NCKAP1: variants seen among roughly 807,000 people sequenced by gnomAD.
NCKAP1 encodes the protein NCK associated protein 1.
A neutral mutation model predicts 151.2 loss-of-function variants in NCKAP1; 21 were observed. That is an observed-to-expected ratio of 0.14 (90% CI 0.10 to 0.20). The LOEUF (loss-of-function observed/expected upper bound fraction) is 0.20. NCKAP1 is among the 10% of genes least tolerant of loss of function. NCKAP1 has a pLI of 1.00. For synonymous variants in NCKAP1, 484 were observed against 451.8 expected (o/e 1.07, Z -0.90); for missense variants, 933 against 1,352.1 (o/e 0.69, Z 4.86).
intron 2 of NCKAP1, among the ~76,000 whole-genome samples, chr2:183,020,470 AAAAAAAAAAAG>A (rs1698774753): frequency 6.9e-6 from 1 of 144,686 alleles, no homozygotes; most frequent in African/African-American, 2.7e-5. Context: ...GTCCCAAAAA[AAAAAAAAAAAG>A]AAAAAAAAGA....
At chr2:183,035,348 C>T (rs1275090916) in intron 1 of NCKAP1, among the ~76,000 whole-genome samples, 1 of 151,558 alleles carries the variant, frequency 6.6e-6, no homozygotes, top group African/African-American at 2.4e-5. Context: ...AAGCATATTA[C>T]TGACAATAAT....
At chr2:182,976,771 G>A in intron 15 of NCKAP1, 122 bp downstream of exon 15, 1 of 470,698 alleles carries the variant, frequency 2.1e-6, no homozygotes, top group Non-Finnish European at 3.5e-6. Context: ...TTCTTTTATG[G>A]TTAATTATAC....
chr2:182,982,002 C>T (rs552782863), intron 12 of NCKAP1, among the ~76,000 whole-genome samples: 29 of 150,566 alleles, frequency 1.9e-4, no homozygotes, highest in Non-Finnish European at 3.5e-4. Context: ...AGAAGATTAG[C>T]AAGAAATAAA....
At chr2:182,949,056 T>C (rs1333659083) in intron 23 of NCKAP1, among the ~76,000 whole-genome samples, 1 of 152,218 alleles carries the variant, frequency 6.6e-6, no homozygotes, top group Non-Finnish European at 1.5e-5. Flanking sequence ...AGTTTTTAAA[T>C]ACGTGAAGAG....
chr2:182,959,952 G>C (rs1697409766), intron 18 of NCKAP1, among the ~76,000 whole-genome samples: 1 of 152,142 alleles, frequency 6.6e-6, no homozygotes, highest in East Asian at 1.9e-4. Context: ...CAGACAGAGA[G>C]CCAAATCATG....
chr2:183,027,823 G>C (rs1698927496), intron 1 of NCKAP1, among the ~76,000 whole-genome samples: 1 of 152,084 alleles, frequency 6.6e-6, no homozygotes, highest in Non-Finnish European at 1.5e-5. Flanking sequence ...CTTTCATTTT[G>C]AGGATAAGAA....
At chr2:182,976,007 AT>A (rs901755216) in intron 15 of NCKAP1, among the ~76,000 whole-genome samples, 7 of 152,234 alleles carry the variant, frequency 4.6e-5, no homozygotes, top group Admixed American at 3.3e-4. Flanking sequence ...ATCTAAAAAA[AT>A]ATAGGCCAGT....
chr2:182,942,305 T>C lies in NCKAP1; in HGVS notation c.2602-142A>G, dbSNP rs564852747. ...GCTCTATGCTACATATATTTTTTTG[T>C]TGTTTCAATAAAAGCATCTGAAAAT... is the stretch of plus-strand genomic sequence containing the variant. On this transcript the variant is annotated intron_variant, in intron 23 of 30. Transcript: ENST00000361354. 135 of 540,868 alleles carry C rather than the reference T, an allele frequency of 2.5e-4. 1 individual carries two copies. The East Asian group carries it at 3.1e-3, about 13-fold the overall frequency. The allele number at this position is 540,868 out of a possible 1,614,324, so 33.5% of individuals were successfully genotyped here. A position where few individuals can be genotyped will look rare whatever the true frequency, so the allele number is the denominator to read the frequency against.
chr2:182,965,261 T>C (rs1379171070), intron 16 of NCKAP1, among the ~76,000 whole-genome samples: 1 of 80,980 alleles, frequency 1.2e-5, no homozygotes, highest in Non-Finnish European at 2.3e-5. Context: ...GAGAGAAATA[T>C]TTTATGAACC....
intron 15 of NCKAP1, among the ~76,000 whole-genome samples, chr2:182,969,667 ATAG>A (rs1697646164): frequency 1.3e-5 from 2 of 152,290 alleles, no homozygotes; most frequent in South Asian, 4.1e-4. Context: ...AGGAAAGTTT[ATAG>A]CAATAAACAC....
intron 2 of NCKAP1, among the ~76,000 whole-genome samples, chr2:183,018,128 T>C (rs1169915154): frequency 6.6e-6 from 1 of 151,924 alleles, no homozygotes; most frequent in Non-Finnish European, 1.5e-5. Flanking sequence ...GCACCTGTAA[T>C]CCCAGCTACT....
chr2:182,996,931 T>C (rs1179297813), intron 6 of NCKAP1, among the ~76,000 whole-genome samples: 5 of 152,228 alleles, frequency 3.3e-5, no homozygotes, highest in African/African-American at 1.2e-4. Context: ...ACTAAGAATG[T>C]TTTAAAAATT....
At chr2:182,969,248 C>G (rs1697637247) in intron 15 of NCKAP1, among the ~76,000 whole-genome samples, 1 of 152,284 alleles carries the variant, frequency 6.6e-6, no homozygotes, top group East Asian at 1.9e-4. Flanking sequence ...GAAATCATAT[C>G]AAGTATCTTC....
At chr2:182,954,981 T>TCTCC (rs1559080642) in intron 20 of NCKAP1, among the ~76,000 whole-genome samples, 4 of 151,668 alleles carry the variant, frequency 2.6e-5, no homozygotes, top group African/African-American at 7.3e-5. Context: ...CACCCACCAA[T>TCTCC]GTCCCACCTC....
At position 182,927,251 on chromosome 2, in the gene NCKAP1, G is replaced by A. The variant is rs76127670; in HGVS notation, c.3181-346C>T. On this transcript the variant is annotated intron_variant, in intron 29 of 30. Transcript: ENST00000361354. ...ATATTTCTTAGTTCCCAAGGAAGAA[G>A]ACAGTTTCACACTGGATTTGACTTC... 3.0e-4 allele frequency: 49 copies of A among 164,232 alleles called. No individual in the cohort carries two copies. The East Asian group carries it at 8.4e-3, about 28-fold the overall frequency. 10.2% of individuals were successfully genotyped at this position (164,232 alleles called of 1,614,324 possible).
rs1163375403 is a variant in NCKAP1, at chr2:182,967,332, A to T, written c.1512T>A (p.Leu504=). Residue 504 remains leucine (L), a synonymous_variant, in exon 16 of 31, where the codon CTT becomes CTA. Coordinates refer to ENST00000361354, the MANE Select transcript of NCKAP1 (RefSeq NM_013436.5). ...CAAGTTCTCTGTGATCTGCAAGGCC[A>T]AGTGAAGCCTTTGAGACACTAGTAT... ...QAYTSVSKAS[L]GLADHRELGK... 1 of 1,611,588 alleles carries T rather than the reference A, an allele frequency of 6.2e-7. No individual in the cohort carries two copies. Among genetic ancestry groups the T allele is most frequent in the South Asian group, 1.1e-5 (1 of 90,392 alleles).
At chr2:182,962,470 G>C (rs951440928) in intron 17 of NCKAP1, among the ~76,000 whole-genome samples, 192 bp from the exon 18 acceptor site, 6 of 152,098 alleles carry the variant, frequency 3.9e-5, no homozygotes, top group Admixed American at 1.3e-4. Context: ...AAATGACAAA[G>C]TATTTGGTGA....
intron 6 of NCKAP1, among the ~76,000 whole-genome samples, chr2:182,998,272 GTGTCTGTACTCCTACCA>G (rs1277236877): frequency 2.0e-5 from 3 of 152,050 alleles, no homozygotes; most frequent in South Asian, 2.1e-4. Flanking sequence ...CAAGACAAGG[GTGTCTGTACTCCTACCA>G]TGTCTGTACT....
At chr2:183,028,676 A>G (rs10153554) in intron 1 of NCKAP1, among the ~76,000 whole-genome samples, 9,450 of 152,260 alleles carry the variant, frequency 0.062, 355 homozygotes, top group African/African-American at 0.1. Context: ...TATTTAAAAG[A>G]TAAGATACAC....
Sources: allele counts gnomAD v4.1 joint callset (sites outside exome capture counted in the v4.1 genomes callset), GRCh38; gene constraint gnomAD v4.1.1; transcripts MANE v1.5; gene names NCBI Gene and HGNC (gene_info 2026-07-23, HGNC 2026-07-21).